The following COL28A1 variants were observed in gnomAD, a reference collection of about 807,000 sequenced individuals.
The protein encoded by COL28A1 is collagen alpha-1(XXVIII) chain.
In COL28A1, 161 loss-of-function variants were observed where a neutral mutation model predicts 150.2. The ratio of observed to expected loss-of-function variants is 1.07; its 90% confidence interval spans 0.94 to 1.22. The LOEUF (loss-of-function observed/expected upper bound fraction) is 1.22, where lower values mean the gene tolerates loss of function less well. Among genes scored for constraint, COL28A1 ranks in the 50% most tolerant of loss-of-function variants. The pLI is 0.00. For missense variants in COL28A1, 1,617 were observed against 1,388.3 expected, an observed-to-expected ratio of 1.16 and a Z score of -2.62; for synonymous variants, 552 against 469.7, an observed-to-expected ratio of 1.18 and a Z score of -2.26.
At position 7,478,867 on chromosome 7, in the gene COL28A1, G is replaced by A. The variant is rs531992056; in HGVS notation, c.1165-1687C>T. ...GGGCCCGCCAAGCCCATGCCCACCCGGAATTCTAGCTGGCCTGCAAGCGCC... is the reference window on the plus strand; with the variant it reads ...GGGCCCGCCAAGCCCATGCCCACCCAGAATTCTAGCTGGCCTGCAAGCGCC... On this transcript the variant is annotated intron_variant, in intron 13 of 34. Coordinates refer to ENST00000399429, the MANE Select transcript of COL28A1 (RefSeq NM_001037763.3). 1.8e-4 allele frequency among the ~76,000 whole-genome samples: 28 copies of A among 152,324 alleles called. 1 individual carries two copies. The South Asian group carries it at 4.6e-3, about 25-fold the overall frequency.
At chr7:7,464,353 A>G (rs1787884162) in intron 15 of COL28A1, among the ~76,000 whole-genome samples, 1 of 152,194 alleles carries the variant, frequency 6.6e-6, no homozygotes, top group Non-Finnish European at 1.5e-5. Context: ...ACAACCACAA[A>G]ATATACATTC....
chr7:7,412,328 G>C (rs1156698110), intron 27 of COL28A1, among the ~76,000 whole-genome samples: 2 of 152,028 alleles, frequency 1.3e-5, no homozygotes, highest in African/African-American at 4.8e-5. Context: ...CACCAACCAG[G>C]AACACACACA....
At chr7:7,395,419 G>C (rs1016083562) in intron 27 of COL28A1, among the ~76,000 whole-genome samples, 4 of 152,092 alleles carry the variant, frequency 2.6e-5, no homozygotes, top group Non-Finnish European at 5.9e-5. Flanking sequence ...TTACTATTAA[G>C]TTGCTTTCTT....
At chr7:7,432,197 AGAG>A (rs58017962) in intron 25 of COL28A1, among the ~76,000 whole-genome samples, 176 of 151,908 alleles carry the variant, frequency 1.2e-3, no homozygotes, top group African/African-American at 4.2e-3. Context: ...GCTAGAGGAG[AGAG>A]GAGATCTCCG....
intron 25 of COL28A1, among the ~76,000 whole-genome samples, chr7:7,425,112 T>C (rs1479824208): frequency 6.6e-6 from 1 of 152,166 alleles, no homozygotes; most frequent in African/African-American, 2.4e-5. Flanking sequence ...AAGTTTATTA[T>C]GCAGCAGGAA....
At chr7:7,404,906 CAG>C (rs751683744) in intron 27 of COL28A1, among the ~76,000 whole-genome samples, 1 of 151,932 alleles carries the variant, frequency 6.6e-6, no homozygotes. Flanking sequence ...TTTTTTGACA[CAG>C]AGTCTCACTC....
chr7:7,481,898 A>G (rs1779345287), intron 13 of COL28A1, among the ~76,000 whole-genome samples: 1 of 152,038 alleles, frequency 6.6e-6, no homozygotes, highest in African/African-American at 2.4e-5. Context: ...TTTAATTTAC[A>G]GTGCTCTGAA....
chr7:7,398,746 G>C (rs192133938), intron 27 of COL28A1, among the ~76,000 whole-genome samples: 1 of 152,160 alleles, frequency 6.6e-6, no homozygotes, highest in African/African-American at 2.4e-5. Flanking sequence ...TAAATACAGA[G>C]AGACAGGGTT....
intron 15 of COL28A1, among the ~76,000 whole-genome samples, chr7:7,472,910 C>T (rs891023792): frequency 6.6e-6 from 1 of 152,114 alleles, no homozygotes; most frequent in Non-Finnish European, 1.5e-5. Flanking sequence ...CAAACAAGAA[C>T]ATATAGTGGG....
intron 27 of COL28A1, among the ~76,000 whole-genome samples, chr7:7,398,551 C>A (rs1294191978): frequency 6.6e-6 from 1 of 152,136 alleles, no homozygotes; most frequent in Non-Finnish European, 1.5e-5. Flanking sequence ...TAGTTTAAGT[C>A]CTAGAGTTAA....
At chr7:7,422,636 G>C (rs1382611369) in intron 25 of COL28A1, among the ~76,000 whole-genome samples, 3 of 139,574 alleles carry the variant, frequency 2.1e-5, no homozygotes. Flanking sequence ...CTCCAAAAAA[G>C]AAAAAAAAAA....
rs374987857 is a variant in COL28A1, at chr7:7,497,544, T to G, written c.1027-6898A>C. 9.2e-5 allele frequency among the ~76,000 whole-genome samples: 14 copies of G among 152,300 alleles called. No individual in the cohort carries two copies. The South Asian group carries it at 1.0e-3, about 11-fold the overall frequency. ...GAGGTTAAACCCAAATCTTAATCAC[T>G]ATGCCAAACTGCCTCTTGAAACTTT... On this transcript the variant is annotated intron_variant, in intron 11 of 34. Coordinates refer to ENST00000399429, the MANE Select transcript of COL28A1 (RefSeq NM_001037763.3).
the COL28A1 span, among the ~76,000 whole-genome samples, chr7:7,541,573 G>GA: frequency 3.3e-5 from 5 of 152,056 alleles, no homozygotes; most frequent in South Asian, 2.1e-4. Flanking sequence ...AGTGTTGTTT[G>GA]AAAAAAGATA....
intron 33 of COL28A1, among the ~76,000 whole-genome samples, chr7:7,365,226 G>A (rs1009664266): frequency 1.3e-5 from 2 of 152,218 alleles, no homozygotes; most frequent in Admixed American, 6.5e-5. Flanking sequence ...TGGTGAGTAC[G>A]CAGTCAAATG....
the COL28A1 span, among the ~76,000 whole-genome samples, chr7:7,542,969 T>C: frequency 6.6e-6 from 1 of 152,308 alleles, no homozygotes; most frequent in Admixed American, 6.5e-5. Context: ...CCCAGCAGTC[T>C]GCCAAAAAGT....
the COL28A1 span, among the ~76,000 whole-genome samples, chr7:7,351,033 T>C: frequency 6.6e-6 from 1 of 152,184 alleles, no homozygotes; most frequent in Non-Finnish European, 1.5e-5. Flanking sequence ...GAATTCTGAC[T>C]ATGTAATTTC....
At chr7:7,342,874 A>C in the COL28A1 span, among the ~76,000 whole-genome samples, 1 of 151,880 alleles carries the variant, frequency 6.6e-6, no homozygotes, top group African/African-American at 2.4e-5. Flanking sequence ...ACTGGGAATC[A>C]TTTTCCTTCT....
intron 27 of COL28A1, among the ~76,000 whole-genome samples, chr7:7,384,499 T>G (rs1307896758): frequency 1.3e-5 from 2 of 152,218 alleles, no homozygotes; most frequent in Non-Finnish European, 2.9e-5. Context: ...AGAGACCACA[T>G]TCACATAACT....
At chr7:7,533,508 A>C (rs931992017) in intron 1 of COL28A1, among the ~76,000 whole-genome samples, 2 of 152,176 alleles carry the variant, frequency 1.3e-5, no homozygotes, top group African/African-American at 4.8e-5. Flanking sequence ...TGTCTCCACC[A>C]GGGGTTCAAA....
Sources: gnomAD v4.1 joint callset for allele counts (sites outside exome capture counted in the v4.1 genomes callset) on GRCh38, gnomAD v4.1.1 for gene constraint, MANE v1.5 for transcripts, NCBI Gene and HGNC (gene_info 2026-07-23, HGNC 2026-07-21) for gene names.